The following GRXCR2 variants were observed in gnomAD, a reference collection of about 807,000 sequenced individuals.
GRXCR2 encodes glutaredoxin domain-containing cysteine-rich protein 2.
In GRXCR2, 23 loss-of-function variants were observed where a neutral mutation model predicts 24.8. That is an observed-to-expected ratio of 0.93 (90% CI 0.67 to 1.32). The LOEUF is 1.32. Ranked by LOEUF, GRXCR2 falls within the 40% of genes most tolerant of loss-of-function variation. The probability of loss-of-function intolerance (pLI) is 0.00; values close to 1 mark genes in which losing one functional copy is unlikely to be tolerated. For synonymous variants in GRXCR2, 130 were observed against 116.1 expected, an observed-to-expected ratio of 1.12 and a Z score of -0.77; for missense variants, 315 against 303.4, an observed-to-expected ratio of 1.04 and a Z score of -0.28.
At chr5:145,891,468 G>A (rs369948964) in intron 2 of GRXCR2, among the ~76,000 whole-genome samples, 180 of 152,212 alleles carry the variant, frequency 1.2e-3, no homozygotes, top group African/African-American at 4.2e-3. Flanking sequence ...CTTAGCAAAC[G>A]GCACACCAGG....
chr5:145,901,718 G>C (rs1757026622), intron 2 of GRXCR2, among the ~76,000 whole-genome samples: 1 of 152,182 alleles, frequency 6.6e-6, no homozygotes, highest in Admixed American at 6.6e-5. Flanking sequence ...GGAGAACATG[G>C]AGGGAAGAAT....
chr5:145,887,762 T>G (rs965286165), intron 2 of GRXCR2, among the ~76,000 whole-genome samples: 1 of 152,200 alleles, frequency 6.6e-6, no homozygotes, highest in Non-Finnish European at 1.5e-5. Flanking sequence ...TTTGTCTTGT[T>G]CAGTTCTACC....
At chr5:145,876,674 C>A (rs184581205), upstream of GRXCR2, among the ~76,000 whole-genome samples, 2 of 152,208 alleles carry the variant, frequency 1.3e-5, no homozygotes, top group East Asian at 3.9e-4. Flanking sequence ...AGTAACATTT[C>A]TTCAACACTT....
chr5:145,885,185 C>A (rs1756761182), intron 2 of GRXCR2, among the ~76,000 whole-genome samples: 1 of 151,766 alleles, frequency 6.6e-6, no homozygotes, highest in Non-Finnish European at 1.5e-5. Flanking sequence ...TGAAATACTG[C>A]TACGGCAGAA....
At chr5:145,923,103 T>C (rs1432770) in intron 2 of GRXCR2, among the ~76,000 whole-genome samples, 147,708 of 152,368 alleles carry the variant, frequency 0.97, 71,613 homozygotes, top group East Asian at 1. Flanking sequence ...TCACCTGAAG[T>C]ACTTGGGGAA....
chr5:145,864,589 T>C (rs924604391), intron 2 of GRXCR2, among the ~76,000 whole-genome samples: 2 of 152,132 alleles, frequency 1.3e-5, no homozygotes, highest in African/African-American at 4.8e-5. Context: ...TCACCAGAGC[T>C]GGTGGTTTTA....
chr5:145,901,392 A>T (rs1321592573), intron 2 of GRXCR2, among the ~76,000 whole-genome samples: 1 of 152,184 alleles, frequency 6.6e-6, no homozygotes, highest in African/African-American at 2.4e-5. Context: ...CTAACCCATT[A>T]TAAAGAATTC....
intron 2 of GRXCR2, among the ~76,000 whole-genome samples, chr5:145,896,612 A>T (rs1178778612): frequency 4.6e-5 from 7 of 152,098 alleles, no homozygotes; most frequent in African/African-American, 1.2e-4. Context: ...AGAATGGCAA[A>T]CATTAAAAAA....
At chr5:145,881,962 G>C (rs1380577773) in intron 2 of GRXCR2, among the ~76,000 whole-genome samples, 4 of 152,200 alleles carry the variant, frequency 2.6e-5, no homozygotes, top group Non-Finnish European at 5.9e-5. Flanking sequence ...AAACTGGCTA[G>C]CCATATGTAG....
intron 2 of GRXCR2, among the ~76,000 whole-genome samples, chr5:145,920,282 T>C (rs1220245420): frequency 1.3e-5 from 2 of 152,150 alleles, no homozygotes; most frequent in African/African-American, 4.8e-5. Context: ...CACATCAGCA[T>C]CGCCTGAAAG....
chr5:145,902,636 G>A lies in GRXCR2; in HGVS notation c.-70+33065C>T, dbSNP rs1050841568. The stretch of plus-strand genomic sequence containing the variant: ...ACATGCAAAGGAATCAGTGAGTGAC[G>A]CCAAGTTAAACATGAAGAAGAGGTT... On this transcript the variant is annotated intron_variant, in intron 2 of 3. Transcript: ENST00000639411. 2.0e-5 allele frequency among the ~76,000 whole-genome samples: 3 copies of A among 152,278 alleles called. No homozygotes were observed. In the East Asian group the frequency reaches 5.8e-4, roughly 29 times the overall value.
intron 2 of GRXCR2, among the ~76,000 whole-genome samples, chr5:145,929,921 G>T (rs1032278240): frequency 1.3e-5 from 2 of 152,108 alleles, no homozygotes; most frequent in East Asian, 3.9e-4. Context: ...TGATACACTA[G>T]ATCAGAGTCT....
Position 145,872,964 on chromosome 5 carries a change from T to A in GRXCR2, c.5A>T (p.Glu2Val). 4 of 1,613,634 alleles carry A rather than the reference T, an allele frequency of 2.5e-6. No homozygotes were observed. The highest frequency in any genetic ancestry group is 3.4e-6 in the Non-Finnish European group (4 of 1,179,532). Residue 2 changes from glutamate to valine, a missense_variant, in exon 1 of 3, where the codon GAG (glutamate) becomes GTG (valine). Transcript: ENST00000377976. MEDPEKKLNQKS... is the reference protein window; with the variant it reads MVDPEKKLNQKS... ...CTGATTCAGCTTTTTCTCAGGGTCC[T>A]CCATCAGCAGAAAGTTGACCCTGTG...
chr5:145,877,784 C>T (rs1228890872), upstream of GRXCR2, among the ~76,000 whole-genome samples: 1 of 152,222 alleles, frequency 6.6e-6, no homozygotes, highest in Non-Finnish European at 1.5e-5. Flanking sequence ...CGACAGACAC[C>T]TCATATAGGT....
chr5:145,929,417 T>C (rs995225529), intron 2 of GRXCR2, among the ~76,000 whole-genome samples: 8 of 151,996 alleles, frequency 5.3e-5, no homozygotes, highest in African/African-American at 1.9e-4. Context: ...AACTTTTTTT[T>C]ACTTTTCATT....
intron 2 of GRXCR2, among the ~76,000 whole-genome samples, chr5:145,887,256 C>G (rs1203862689): frequency 6.6e-6 from 1 of 152,126 alleles, no homozygotes; most frequent in African/African-American, 2.4e-5. Flanking sequence ...GCCACCAAAC[C>G]TGGCTATTTT....
intron 2 of GRXCR2, among the ~76,000 whole-genome samples, chr5:145,881,737 A>C (rs565765597): frequency 6.6e-6 from 1 of 152,222 alleles, no homozygotes; most frequent in Admixed American, 6.5e-5. Flanking sequence ...AAAGAACAAA[A>C]CTGGAGGCAT....
rs1263917868 is a variant in GRXCR2 at position 145,872,822 on chromosome 5, G to A, written c.147C>T (p.Tyr49=). 1 of 1,614,148 alleles carries A rather than the reference G, an allele frequency of 6.2e-7. No individual in the cohort carries two copies. The highest frequency in any genetic ancestry group is 8.5e-7 in the Non-Finnish European group (1 of 1,180,024). The change falls in exon 1 of 3, where the codon TAC becomes TAT. Residue 49 remains tyrosine (Y), a synonymous_variant. Coordinates refer to ENST00000377976, the MANE Select transcript of GRXCR2 (RefSeq NM_001080516.2). ...GQELESPKEE[Y]PHSFLQESLE... ...GAGACTCTTGCAGAAAACTGTGAGG[G>A]TATTCCTCCTTTGGTGACTCTAATT... is the stretch of plus-strand genomic sequence containing the variant.
At chr5:145,878,549 A>G (rs1756653231) in intron 2 of GRXCR2, among the ~76,000 whole-genome samples, 1 of 152,130 alleles carries the variant, frequency 6.6e-6, no homozygotes, top group East Asian at 1.9e-4. Context: ...GGACTATGTG[A>G]AAAGACCAAA....
Sources: gnomAD v4.1 joint callset for allele counts (sites outside exome capture counted in the v4.1 genomes callset) on GRCh38, gnomAD v4.1.1 for gene constraint, MANE v1.5 for transcripts, NCBI Gene and HGNC (gene_info 2026-07-23, HGNC 2026-07-21) for gene names.